The following ZDHHC20 variants were observed in gnomAD, a reference collection of about 807,000 sequenced individuals.
The protein encoded by ZDHHC20 is palmitoyltransferase ZDHHC20.
ZDHHC20 carries 43 observed loss-of-function variants against 57.8 expected under a neutral mutation model. That is an observed-to-expected ratio of 0.74 (90% CI 0.58 to 0.96). The LOEUF is 0.96. Ranked by LOEUF, ZDHHC20 falls within the 40% of genes least tolerant of loss-of-function variation. ZDHHC20 has a pLI of 0.00. For synonymous variants in ZDHHC20, 157 were observed against 153.0 expected (o/e 1.03, Z -0.19); for missense variants, 391 against 441.1 (o/e 0.89, Z 1.02).
intron 4 of ZDHHC20, among the ~76,000 whole-genome samples, chr13:21,413,304 A>G (rs901072054): frequency 2.0e-5 from 3 of 151,958 alleles, no homozygotes; most frequent in African/African-American, 7.3e-5. Flanking sequence ...TTTTTTTTTA[A>G]TTACTCAGTG....
chr13:21,405,310 A>G (rs766173572), intron 4 of ZDHHC20, among the ~76,000 whole-genome samples: 1 of 152,240 alleles, frequency 6.6e-6, no homozygotes, highest in Non-Finnish European at 1.5e-5. Context: ...CAGAGGCAAT[A>G]AAATACATAA....
chr13:21,458,178 TTCCTTC>T (rs1450232294), intron 1 of ZDHHC20, among the ~76,000 whole-genome samples: 32 of 152,204 alleles, frequency 2.1e-4, no homozygotes. Flanking sequence ...GACAACCAAT[TTCCTTC>T]AATCTTAAAG....
chr13:21,458,034 T>C (rs537641997), intron 1 of ZDHHC20, among the ~76,000 whole-genome samples: 10 of 152,256 alleles, frequency 6.6e-5, no homozygotes, highest in Non-Finnish European at 1.5e-4. Context: ...AACACCCTAG[T>C]TGAGGCCAGT....
intron 4 of ZDHHC20, among the ~76,000 whole-genome samples, chr13:21,408,105 C>CT (rs1566084802): frequency 6.6e-6 from 1 of 151,994 alleles, no homozygotes; most frequent in African/African-American, 2.4e-5. Context: ...TATACAGGCT[C>CT]TTTTTTTGGT....
chr13:21,426,601 CCTTTT>C (rs924724993), intron 1 of ZDHHC20, among the ~76,000 whole-genome samples: 6 of 143,676 alleles, frequency 4.2e-5, no homozygotes, highest in African/African-American at 1.5e-4. Flanking sequence ...CTTTTTTTCT[CCTTTT>C]CTTTTTTTTT....
chr13:21,408,451 T>C (rs1364082886), intron 4 of ZDHHC20, among the ~76,000 whole-genome samples: 1 of 152,218 alleles, frequency 6.6e-6, no homozygotes, highest in East Asian at 1.9e-4. Context: ...CTTGTGATTT[T>C]TGCGCATTGG....
chr13:21,396,827 T>C (rs2137767612), intron 7 of ZDHHC20, among the ~76,000 whole-genome samples: 1 of 109,832 alleles, frequency 9.1e-6, no homozygotes, highest in Non-Finnish European at 1.9e-5. Context: ...AGTGAGACTC[T>C]GTCTCAAAAA....
In ZDHHC20 at chr13:21,459,176, C is replaced by G. The variant is rs1363240542; in HGVS notation, c.-5G>C. The G allele has an allele frequency of 6.3e-7, 1 of 1,594,816 alleles. No individual in the cohort carries two copies. Among genetic ancestry groups the G allele is most frequent in the South Asian group, 1.1e-5 (1 of 88,710 alleles). On this transcript the variant is annotated 5_prime_UTR_variant, in exon 1 of 13. Coordinates refer to ENST00000400590, the MANE Select transcript of ZDHHC20 (RefSeq NM_001330059.2). ...CCACAGCGTCCAGGGCGCCATGTTC[C>G]GCTGGCGGCTGCCGAGCCCCGCGTC...
rs1228640958 is a variant in ZDHHC20 at position 21,376,638 on chromosome 13, T to C, written c.*58A>G. Reference sequence around the variant, plus strand: ...CAAATGAAAATTGAAAATACCAGTCTATAATGTTTTCATACACCTACAAAA... The same window carrying C: ...CAAATGAAAATTGAAAATACCAGTCCATAATGTTTTCATACACCTACAAAA... On this transcript the variant is annotated 3_prime_UTR_variant, in exon 13 of 13. Coordinates refer to ENST00000400590, the MANE Select transcript of ZDHHC20 (RefSeq NM_001330059.2). 7.1e-7 allele frequency: 1 copy of C among 1,405,560 alleles called. No individual in the cohort carries two copies. Among genetic ancestry groups the C allele is most frequent in the Non-Finnish European group, 9.6e-7 (1 of 1,044,314 alleles). The allele number at this position is 1,405,560 out of a possible 1,614,324, so 87.1% of individuals were successfully genotyped here.
chr13:21,419,754 G>A (rs998752069), intron 3 of ZDHHC20, among the ~76,000 whole-genome samples: 1 of 152,158 alleles, frequency 6.6e-6, no homozygotes, highest in Non-Finnish European at 1.5e-5. Flanking sequence ...AGGGGTTGAC[G>A]GGGTTCTGGT....
intron 7 of ZDHHC20, among the ~76,000 whole-genome samples, chr13:21,396,472 G>T (rs1876804089): frequency 1.3e-5 from 2 of 152,056 alleles, no homozygotes; most frequent in South Asian, 4.1e-4. Context: ...TATATAAAAA[G>T]AACTGCTTTA....
Position 21,440,068 on chromosome 13 carries a change from GAAAAAAAAAAAAA to G in ZDHHC20, c.119-14403_119-14391del, listed in dbSNP as rs376263181. ...GGCGACAGAGTAAGACTGTTTCTCA[GAAAAAAAAAAAAA>G]AAAAAAAAAAAAAAAAAGACAATGT... is the stretch of plus-strand genomic sequence containing the variant. On this transcript the variant is annotated intron_variant, in intron 1 of 12. Coordinates refer to ENST00000400590, the MANE Select transcript of ZDHHC20 (RefSeq NM_001330059.2). 6.5e-4 allele frequency among the ~76,000 whole-genome samples: 58 copies of G among 89,788 alleles called. 1 individual carries two copies. The highest frequency in any genetic ancestry group is 1.4e-3 in the African/African-American group (30 of 21,862). The allele number at this position is 89,788 out of a possible 152,430, so 58.9% of individuals were successfully genotyped here.
At chr13:21,417,909 T>C (rs534251153) in intron 3 of ZDHHC20, among the ~76,000 whole-genome samples, 1 of 152,222 alleles carries the variant, frequency 6.6e-6, no homozygotes, top group South Asian at 2.1e-4. Flanking sequence ...AGCTTGGTAT[T>C]ACATTAACAT....
At chr13:21,425,577 T>C in intron 2 of ZDHHC20, 75 bp downstream of exon 2, 5 of 1,054,132 alleles carry the variant, frequency 4.7e-6, no homozygotes, top group Non-Finnish European at 6.4e-6. Context: ...CATGCATTCA[T>C]CACTAAATAA....
chr13:21,432,185 A>C (rs1444317191), intron 1 of ZDHHC20, among the ~76,000 whole-genome samples: 2 of 152,012 alleles, frequency 1.3e-5, no homozygotes, highest in Non-Finnish European at 2.9e-5. Context: ...ATTATTTTTC[A>C]GACAGAATCT....
intron 10 of ZDHHC20, chr13:21,381,779 T>C (rs752051524): frequency 2.4e-5 from 14 of 572,146 alleles, no homozygotes; most frequent in South Asian, 5.9e-5. Context: ...ATGAAAACAA[T>C]TAGTCAAAAT....
intron 3 of ZDHHC20, 106 bp from the exon 4 acceptor site, chr13:21,413,878 G>A: frequency 2.2e-6 from 2 of 922,854 alleles, no homozygotes; most frequent in Non-Finnish European, 3.2e-6. Flanking sequence ...ACTATTTTAT[G>A]AAGACAAAAC....
intron 9 of ZDHHC20, among the ~76,000 whole-genome samples, chr13:21,386,505 T>C (rs567969060): frequency 2.6e-5 from 4 of 152,304 alleles, no homozygotes; most frequent in African/African-American, 9.6e-5. Flanking sequence ...AATTTCTTAT[T>C]AGAAAAATGC....
chr13:21,376,925 A>C (rs1566056487), intron 12 of ZDHHC20: 1 of 236,142 alleles, frequency 4.2e-6, no homozygotes, highest in East Asian at 1.0e-4. Flanking sequence ...TCATCTGAGA[A>C]GACATCTGGT....
Sources: allele counts gnomAD v4.1 joint callset (sites outside exome capture counted in the v4.1 genomes callset), GRCh38; gene constraint gnomAD v4.1.1; transcripts MANE v1.5; gene names NCBI Gene and HGNC (gene_info 2026-07-23, HGNC 2026-07-21).